The following SIL1 variants were observed in gnomAD, a reference collection of about 807,000 sequenced individuals.
SIL1 encodes nucleotide exchange factor SIL1.
In SIL1, 40 loss-of-function variants were observed where a neutral mutation model predicts 49.1. The ratio of observed to expected loss-of-function variants is 0.81; its 90% CI spans 0.63 to 1.06. SIL1 has a LOEUF of 1.06. Among genes scored for constraint, SIL1 ranks in the 50% least tolerant of loss-of-function variants. SIL1 has a pLI of 0.00. For missense variants in SIL1, 500 were observed against 572.6 expected, an observed-to-expected ratio of 0.87 and a Z score of 1.29; for synonymous variants, 253 against 250.8, an observed-to-expected ratio of 1.01 and a Z score of -0.08.
At chr5:139,181,405 G>A (rs1006941597) in intron 1 of SIL1, among the ~76,000 whole-genome samples, 4 of 152,162 alleles carry the variant, frequency 2.6e-5, no homozygotes, top group African/African-American at 9.7e-5. Context: ...GAAAACCCCC[G>A]CAGGGCTGGA....
chr5:139,055,693 T>G (rs947364914), intron 3 of SIL1, among the ~76,000 whole-genome samples: 60 of 130,988 alleles, frequency 4.6e-4, no homozygotes, highest in Non-Finnish European at 7.0e-4. Context: ...CCTCTCCCTC[T>G]CTTTCCACGG....
chr5:139,086,386 C>T (rs551609728), intron 3 of SIL1, among the ~76,000 whole-genome samples: 2 of 151,268 alleles, frequency 1.3e-5, no homozygotes, highest in Admixed American at 6.6e-5. Context: ...GTTTTTGAGA[C>T]GGAGTTTTGC....
chr5:139,138,533 A>C (rs1751021530), intron 1 of SIL1, among the ~76,000 whole-genome samples: 1 of 152,172 alleles, frequency 6.6e-6, no homozygotes, highest in African/African-American at 2.4e-5. Context: ...AACCCACTAC[A>C]GTGTAATAGG....
intron 1 of SIL1, among the ~76,000 whole-genome samples, chr5:139,175,544 A>G (rs549192303): frequency 6.6e-6 from 1 of 152,372 alleles, no homozygotes; most frequent in South Asian, 2.1e-4. Context: ...TTCACCAAAC[A>G]TTTAAAGAAC....
intron 7 of SIL1, among the ~76,000 whole-genome samples, chr5:138,967,799 C>T (rs1005476132): frequency 3.9e-5 from 6 of 152,034 alleles, no homozygotes; most frequent in Non-Finnish European, 1.5e-5. Flanking sequence ...TGCTTTCCCC[C>T]GCCCCCAACA....
chr5:139,060,296 T>C (rs547197253), intron 3 of SIL1, among the ~76,000 whole-genome samples: 1 of 115,132 alleles, frequency 8.7e-6, no homozygotes, highest in Admixed American at 9.9e-5. Flanking sequence ...TTACTGTTTT[T>C]TTAAGCCACC....
rs114379998 is a variant in SIL1 at position 139,142,449 on chromosome 5, G to A, written c.-10-14596C>T. 8.2e-3 allele frequency among the ~76,000 whole-genome samples: 1,252 copies of A among 152,208 alleles called. 13 individuals carry two copies. The highest frequency in any genetic ancestry group is 0.028 in the African/African-American group (1,143 of 41,522). On this transcript the variant is annotated intron_variant, in intron 1 of 9. Coordinates refer to ENST00000394817, the MANE Select transcript of SIL1 (RefSeq NM_022464.5). ...TAAGAGAATTATACAACATGATCAAGTGGTGTTTTATCCCAGGAATACAAG... is the reference window on the plus strand; with the variant it reads ...TAAGAGAATTATACAACATGATCAAATGGTGTTTTATCCCAGGAATACAAG...
intron 1 of SIL1, among the ~76,000 whole-genome samples, chr5:139,165,243 T>G (rs1356713390): frequency 1.3e-5 from 2 of 152,208 alleles, no homozygotes; most frequent in Admixed American, 1.3e-4. Flanking sequence ...ATCCCAGATC[T>G]TCAGATAAAC....
At chr5:139,085,652 A>C (rs1411230477) in intron 3 of SIL1, among the ~76,000 whole-genome samples, 1 of 152,208 alleles carries the variant, frequency 6.6e-6, no homozygotes, top group Admixed American at 6.5e-5. Context: ...ATGATTCAAC[A>C]GGAAGAACAA....
At chr5:139,035,551 T>A in intron 5 of SIL1, 1 of 495,388 alleles carries the variant, frequency 2.0e-6, no homozygotes, top group African/African-American at 1.9e-5. Context: ...AGGGGGCCAA[T>A]CTTGGGGGCC....
intron 7 of SIL1, among the ~76,000 whole-genome samples, chr5:138,958,697 GT>G (rs1242482146): frequency 2.0e-5 from 3 of 151,188 alleles, no homozygotes; most frequent in Admixed American, 1.3e-4. Context: ...TGCTCAAGTG[GT>G]AAGTATATAA....
At chr5:139,013,017 T>G (rs1768318994) in intron 7 of SIL1, among the ~76,000 whole-genome samples, 1 of 152,256 alleles carries the variant, frequency 6.6e-6, no homozygotes, top group Non-Finnish European at 1.5e-5. Flanking sequence ...CTTAAATATC[T>G]TTTAATTTAT....
At chr5:138,957,741 T>C (rs1185904230) in intron 7 of SIL1, among the ~76,000 whole-genome samples, 1 of 152,162 alleles carries the variant, frequency 6.6e-6, no homozygotes, top group East Asian at 1.9e-4. Flanking sequence ...TAATTGAAGA[T>C]ATGAAGACCC....
intron 7 of SIL1, among the ~76,000 whole-genome samples, chr5:139,011,257 C>T (rs1376103420): frequency 7.8e-4 from 118 of 151,880 alleles, no homozygotes; most frequent in Non-Finnish European, 1.4e-3. Context: ...TTCTTTGACT[C>T]GGAAAGGGAA....
chr5:138,966,003 A>G (rs1181799551), intron 7 of SIL1, among the ~76,000 whole-genome samples: 1 of 151,994 alleles, frequency 6.6e-6, no homozygotes, highest in African/African-American at 2.4e-5. Flanking sequence ...ATTTTGGACA[A>G]TAAATTATGT....
chr5:138,984,403 G>C (rs960082580), intron 7 of SIL1, among the ~76,000 whole-genome samples: 1 of 147,358 alleles, frequency 6.8e-6, no homozygotes, highest in East Asian at 2.0e-4. Flanking sequence ...CTGTCACCCA[G>C]GCTGGAGTGC....
At chr5:139,076,507 C>T (rs1769951937) in intron 3 of SIL1, among the ~76,000 whole-genome samples, 1 of 152,150 alleles carries the variant, frequency 6.6e-6, no homozygotes, top group Non-Finnish European at 1.5e-5. Flanking sequence ...ATATATAGAC[C>T]TTGGGAATAG....
chr5:139,116,093 G>T (rs1017699630), intron 3 of SIL1, among the ~76,000 whole-genome samples: 4 of 152,186 alleles, frequency 2.6e-5, no homozygotes, highest in Non-Finnish European at 5.9e-5. Context: ...CCAGACCAGA[G>T]TCAGGTGCTC....
chr5:139,090,515 A>G (rs1206711841), intron 3 of SIL1, among the ~76,000 whole-genome samples: 1 of 152,238 alleles, frequency 6.6e-6, no homozygotes, highest in Non-Finnish European at 1.5e-5. Context: ...GCATGAATAG[A>G]CAGAATTACC....
Sources: allele counts gnomAD v4.1 joint callset (sites outside exome capture counted in the v4.1 genomes callset), GRCh38; gene constraint gnomAD v4.1.1; transcripts MANE v1.5; gene names NCBI Gene and HGNC (gene_info 2026-07-23, HGNC 2026-07-21).